The following LRRC37A2 variants were observed in gnomAD, a reference collection of about 807,000 sequenced individuals.
LRRC37A2 encodes leucine rich repeat containing 37 member A2, also known as leucine-rich repeat-containing protein 37A2.
In LRRC37A2, 9 loss-of-function variants were observed where a neutral mutation model predicts 68.8. That is an observed-to-expected ratio of 0.13 (90% CI 0.08 to 0.23). LRRC37A2 has a LOEUF of 0.23. Ranked by LOEUF, LRRC37A2 falls within the 10% of genes least tolerant of loss-of-function variation. The pLI is 1.00. For synonymous variants in LRRC37A2, 63 were observed against 367.6 expected, an observed-to-expected ratio of 0.17 and a Z score of 9.48; for missense variants, 168 against 950.4, an observed-to-expected ratio of 0.18 and a Z score of 10.82.
the LRRC37A2 span, among the ~76,000 whole-genome samples, chr17:46,709,989 A>G: frequency 5.2e-3 from 786 of 152,332 alleles, 11 homozygotes; most frequent in African/African-American, 0.018. Context: ...AAAGTAATAG[A>G]GATATGAGAT....
At chr17:46,754,962 A>G in the LRRC37A2 span, among the ~76,000 whole-genome samples, 7 of 152,346 alleles carry the variant, frequency 4.6e-5, no homozygotes, top group East Asian at 7.7e-4. Flanking sequence ...TACACCTTCA[A>G]CAGGTGAATT....
chr17:46,993,134 T>C, the LRRC37A2 span, among the ~76,000 whole-genome samples: 1 of 152,144 alleles, frequency 6.6e-6, no homozygotes, highest in South Asian at 2.1e-4. Context: ...CATGGTATCT[T>C]ATAATAAATG....
the LRRC37A2 span, among the ~76,000 whole-genome samples, chr17:46,816,463 C>G: frequency 2.3e-5 from 3 of 132,402 alleles, no homozygotes; most frequent in African/African-American, 9.2e-5. Context: ...GGGTCATAGA[C>G]CCAGAACACA....
chr17:46,928,741 C>G, the LRRC37A2 span, among the ~76,000 whole-genome samples: 3 of 152,180 alleles, frequency 2.0e-5, no homozygotes, highest in African/African-American at 7.2e-5. Flanking sequence ...ATCCTCTCCC[C>G]CAACCCGATT....
chr17:46,821,536 G>GACCA, the LRRC37A2 span, among the ~76,000 whole-genome samples: 1 of 152,164 alleles, frequency 6.6e-6, no homozygotes, highest in Admixed American at 6.5e-5. Flanking sequence ...GGTGGAGAAA[G>GACCA]GGTTAAATTC....
the LRRC37A2 span, among the ~76,000 whole-genome samples, chr17:46,788,481 G>A: frequency 6.6e-6 from 1 of 152,236 alleles, no homozygotes; most frequent in African/African-American, 2.4e-5. Flanking sequence ...AGCCTGCCCA[G>A]CCCTCTTGTT....
At chr17:46,386,649 A>G in the LRRC37A2 span, among the ~76,000 whole-genome samples, 116 of 394 alleles carry the variant, frequency 0.29, 4 homozygotes, top group South Asian at 0.4. Context: ...CTCCTGGTAA[A>G]GATGGTACCC....
At chr17:46,501,523 G>A in the LRRC37A2 span, among the ~76,000 whole-genome samples, 24 of 151,356 alleles carry the variant, frequency 1.6e-4, no homozygotes, top group Admixed American at 7.9e-4. Context: ...TGACCAAGTC[G>A]TCTGCCGGCT....
the LRRC37A2 span, among the ~76,000 whole-genome samples, chr17:46,871,505 A>G: frequency 6.6e-6 from 1 of 152,088 alleles, no homozygotes; most frequent in African/African-American, 2.4e-5. Flanking sequence ...GCTTAGCTGG[A>G]GAGTAAAGCA....
At chr17:46,984,247 G>T in the LRRC37A2 span, among the ~76,000 whole-genome samples, 1 of 144,420 alleles carries the variant, frequency 6.9e-6, no homozygotes, top group Non-Finnish European at 1.5e-5. Context: ...GCACAGCCAG[G>T]ATTTAAATCC....
the LRRC37A2 span, among the ~76,000 whole-genome samples, chr17:46,960,641 A>G: frequency 6.6e-6 from 1 of 152,254 alleles, no homozygotes; most frequent in Admixed American, 6.5e-5. Context: ...AAATTTAAAA[A>G]CCTGTGATAC....
the LRRC37A2 span, chr17:46,940,862 G>A: frequency 9.7e-5 from 138 of 1,427,658 alleles, no homozygotes; most frequent in Non-Finnish European, 1.1e-4. Flanking sequence ...CAGGGGCATT[G>A]AGACTGCATG....
At chr17:46,755,722 A>ATT in the LRRC37A2 span, 1,613 of 1,044,928 alleles carry the variant, frequency 1.5e-3, no homozygotes, top group African/African-American at 3.0e-3. Context: ...GCTTTTAGTG[A>ATT]TTTTTTTTTT....
At chr17:46,438,354 A>C in the LRRC37A2 span, among the ~76,000 whole-genome samples, 1 of 80,852 alleles carries the variant, frequency 1.2e-5, no homozygotes, top group Non-Finnish European at 3.5e-5. Flanking sequence ...AAAAAAAAAA[A>C]GGAATGGGTT....
chr17:46,631,084 A>ACACACACG, the LRRC37A2 span, among the ~76,000 whole-genome samples: 2 of 145,590 alleles, frequency 1.4e-5, no homozygotes, highest in African/African-American at 5.5e-5. Flanking sequence ...ACACACACAC[A>ACACACACG]CACACACACA....
chr17:46,918,173 G>A, the LRRC37A2 span, among the ~76,000 whole-genome samples: 3 of 152,142 alleles, frequency 2.0e-5, no homozygotes, highest in Non-Finnish European at 4.4e-5. Context: ...TCCGCCTCCC[G>A]GGTTCAAGCA....
chr17:46,703,680 CAAAAAAAA>C, the LRRC37A2 span, among the ~76,000 whole-genome samples: 1 of 37,718 alleles, frequency 2.7e-5, no homozygotes, highest in Admixed American at 2.8e-4. Context: ...GACTCCGTCT[CAAAAAAAA>C]AAAAAAAAAA....
chr17:46,982,665 T>C, the LRRC37A2 span, among the ~76,000 whole-genome samples: 14 of 151,904 alleles, frequency 9.2e-5, no homozygotes, highest in African/African-American at 3.4e-4. Context: ...ATTATCCCCG[T>C]CCCCCTCTCT....
At chr17:46,805,308 C>T in the LRRC37A2 span, among the ~76,000 whole-genome samples, 6 of 152,024 alleles carry the variant, frequency 3.9e-5, no homozygotes, top group East Asian at 1.9e-4. Flanking sequence ...CACAGTGGCT[C>T]ACGCCTGTAA....
Sources: gnomAD v4.1 joint callset for allele counts (sites outside exome capture counted in the v4.1 genomes callset) on GRCh38, gnomAD v4.1.1 for gene constraint, MANE v1.5 for transcripts, NCBI Gene and HGNC (gene_info 2026-07-23, HGNC 2026-07-21) for gene names.